The following ADAMTS3 variants were observed in gnomAD, a reference collection of about 807,000 sequenced individuals.
The protein encoded by ADAMTS3 is ADAM metallopeptidase with thrombospondin type 1 motif 3.
A neutral mutation model predicts 129.0 loss-of-function variants in ADAMTS3; 73 were observed. That is an observed-to-expected ratio of 0.57 (90% CI 0.47 to 0.69). ADAMTS3 has a LOEUF of 0.69. Ranked by LOEUF, ADAMTS3 falls within the 30% of genes least tolerant of loss-of-function variation. The probability of loss-of-function intolerance (pLI) is 0.00; values close to 1 mark genes in which losing one functional copy is unlikely to be tolerated. For synonymous variants in ADAMTS3, 477 were observed against 510.8 expected, an observed-to-expected ratio of 0.93 and a Z score of 0.89; for missense variants, 1,457 against 1,514.5, an observed-to-expected ratio of 0.96 and a Z score of 0.63.
At chr4:72,531,531 G>A (rs2109764291) in intron 3 of ADAMTS3, among the ~76,000 whole-genome samples, 1 of 152,230 alleles carries the variant, frequency 6.6e-6, no homozygotes, top group East Asian at 1.9e-4. Flanking sequence ...GGAGAGGGTT[G>A]GGTAAAGCAC....
chr4:72,391,532 C>A (rs1308256904), intron 4 of ADAMTS3, among the ~76,000 whole-genome samples: 1 of 152,078 alleles, frequency 6.6e-6, no homozygotes, highest in Non-Finnish European at 1.5e-5. Flanking sequence ...GATGGGAGGT[C>A]AGGGGAGTCA....
At chr4:72,425,101 G>T (rs1200086680) in intron 3 of ADAMTS3, among the ~76,000 whole-genome samples, 5 of 152,036 alleles carry the variant, frequency 3.3e-5, no homozygotes, top group African/African-American at 1.2e-4. Context: ...CCAGAAATTT[G>T]TGAATTATGG....
rs139041576 is a variant in ADAMTS3, at chr4:72,356,729, G to T, written c.662-17036C>A. Reference sequence around the variant, plus strand: ...ACAAAACCAATACACAAAATTACTTGCATTTTTTATATTAGCATCAAAACA... The same window carrying T: ...ACAAAACCAATACACAAAATTACTTTCATTTTTTATATTAGCATCAAAACA... On this transcript the variant is annotated intron_variant, in intron 4 of 21. Transcript: ENST00000286657. 5.9e-3 allele frequency among the ~76,000 whole-genome samples: 890 copies of T among 151,618 alleles called. 11 individuals carry two copies. Among genetic ancestry groups the T allele is most frequent in the African/African-American group, 0.02 (817 of 41,442 alleles).
chr4:72,330,922 C>T (rs1034670215), intron 5 of ADAMTS3, among the ~76,000 whole-genome samples: 2 of 152,050 alleles, frequency 1.3e-5, no homozygotes, highest in Non-Finnish European at 2.9e-5. Flanking sequence ...AAAGATGGTT[C>T]GCACAGGAAT....
At chr4:72,456,258 T>C (rs200824371) in intron 3 of ADAMTS3, among the ~76,000 whole-genome samples, 573 of 48,278 alleles carry the variant, frequency 0.012, no homozygotes, top group Non-Finnish European at 0.017. Flanking sequence ...ATAGTATATA[T>C]ACTGTATATA....
In ADAMTS3 at chr4:72,283,486, C is replaced by A; in HGVS notation, c.3268G>T (p.Val1090Phe). Residue 1090 changes from valine to phenylalanine, a missense_variant, in exon 22 of 22, where the codon GTT becomes TTT. By Grantham distance (50) the Val-to-Phe change is conservative (BLOSUM62 -1). Coordinates refer to ENST00000286657, the MANE Select transcript of ADAMTS3 (RefSeq NM_014243.3). Reference protein sequence around the residue: ...PRSLVMPTSLVPYHSETPAKK... With the variant: ...PRSLVMPTSLFPYHSETPAKK... The stretch of plus-strand genomic sequence containing the variant: ...GCAGGGGTCTCTGAATGATAAGGAA[C>A]CAAAGATGTAGGCATCACTAGAGAT... 6.2e-7 allele frequency: 1 copy of A among 1,613,974 alleles called. No individual in the cohort carries two copies. Among genetic ancestry groups the A allele is most frequent in the Non-Finnish European group, 8.5e-7 (1 of 1,179,954 alleles).
chr4:72,363,050 T>A (rs772303159), intron 4 of ADAMTS3, among the ~76,000 whole-genome samples: 76 of 152,008 alleles, frequency 5.0e-4, no homozygotes, highest in Non-Finnish European at 1.9e-4. Context: ...AGCATGCTGG[T>A]GTATATAATT....
Position 72,292,139 on chromosome 4 carries a change from A to G in ADAMTS3, c.2724-1077T>C, listed in dbSNP as rs535292265. 1.4e-3 allele frequency among the ~76,000 whole-genome samples: 209 copies of G among 152,340 alleles called. 2 individuals carry two copies. Among genetic ancestry groups the G allele is most frequent in the African/African-American group, 4.9e-3 (204 of 41,588 alleles). On this transcript the variant is annotated intron_variant, in intron 19 of 21. Transcript: ENST00000286657. ...AACAGAATCCATCTAATGGTTGCTA[A>G]GACACACTTACGATTTCTTTACATA... is the stretch of plus-strand genomic sequence containing the variant.
chr4:72,324,743 A>C (rs1719657576), intron 5 of ADAMTS3, among the ~76,000 whole-genome samples: 1 of 152,128 alleles, frequency 6.6e-6, no homozygotes, highest in African/African-American at 2.4e-5. Context: ...GCTACAGAAA[A>C]CCTGAAGTAT....
intron 4 of ADAMTS3, among the ~76,000 whole-genome samples, chr4:72,401,956 T>G (rs548534429): frequency 6.6e-6 from 1 of 152,272 alleles, no homozygotes; most frequent in South Asian, 2.1e-4. Context: ...AAAAGAAATA[T>G]TTACGTAACA....
chr4:72,531,675 A>C (rs62319473), intron 3 of ADAMTS3, among the ~76,000 whole-genome samples: 45,844 of 152,030 alleles, frequency 0.3, 7,101 homozygotes, highest in Middle Eastern at 0.35. Flanking sequence ...AGTTCTACCC[A>C]GTTCATGGAG....
chr4:72,435,429 A>G (rs1289862017), intron 3 of ADAMTS3, among the ~76,000 whole-genome samples: 1 of 151,942 alleles, frequency 6.6e-6, no homozygotes, highest in Admixed American at 6.6e-5. Context: ...TTTATTTACT[A>G]TATTTCCTGA....
intron 3 of ADAMTS3, among the ~76,000 whole-genome samples, chr4:72,439,240 A>G (rs1413351491): frequency 6.6e-6 from 1 of 151,744 alleles, no homozygotes; most frequent in African/African-American, 2.4e-5. Context: ...TAGTCACAAA[A>G]TACAGTTTGA....
At chr4:72,447,361 T>A (rs1005580944) in intron 3 of ADAMTS3, among the ~76,000 whole-genome samples, 3 of 151,778 alleles carry the variant, frequency 2.0e-5, no homozygotes, top group Admixed American at 2.0e-4. Context: ...CCTTCTAATT[T>A]CCATTCTGAC....
intron 4 of ADAMTS3, among the ~76,000 whole-genome samples, chr4:72,365,115 G>A (rs982531220): frequency 1.3e-5 from 2 of 152,170 alleles, no homozygotes; most frequent in Non-Finnish European, 2.9e-5. Context: ...ACTTGCATGA[G>A]TAACGAAAAT....
chr4:72,307,834 T>C (rs116321302), intron 15 of ADAMTS3, among the ~76,000 whole-genome samples: 123 of 152,116 alleles, frequency 8.1e-4, no homozygotes, highest in African/African-American at 2.9e-3. Flanking sequence ...ATCACTATGA[T>C]GACAATATTA....
intron 8 of ADAMTS3, 96 bp downstream of exon 8, chr4:72,319,762 T>G (rs1028925897): frequency 1.5e-5 from 15 of 1,029,434 alleles, no homozygotes; most frequent in Non-Finnish European, 1.5e-5. Flanking sequence ...AAGAATTGTA[T>G]GCTGGCATGC....
At chr4:72,402,378 G>A (rs933404107) in intron 4 of ADAMTS3, among the ~76,000 whole-genome samples, 1 of 152,124 alleles carries the variant, frequency 6.6e-6, no homozygotes, top group Non-Finnish European at 1.5e-5. Flanking sequence ...AGCATATACT[G>A]AGCATCTGAT....
chr4:72,310,055 G>A (rs1478105241), intron 14 of ADAMTS3, among the ~76,000 whole-genome samples: 1 of 152,074 alleles, frequency 6.6e-6, no homozygotes, highest in Non-Finnish European at 1.5e-5. Flanking sequence ...TTCATGGAAA[G>A]TGGGTGCAGA....
Sources: gnomAD v4.1 joint callset for allele counts (sites outside exome capture counted in the v4.1 genomes callset) on GRCh38, gnomAD v4.1.1 for gene constraint, MANE v1.5 for transcripts, NCBI Gene and HGNC (gene_info 2026-07-23, HGNC 2026-07-21) for gene names.